The following ARRB2 variants were observed in gnomAD, a reference collection of about 807,000 sequenced individuals.
ARRB2 encodes the protein arrestin beta 2.
In ARRB2, 21 loss-of-function variants were observed where a neutral mutation model predicts 53.4. The ratio of observed to expected loss-of-function variants is 0.39; its 90% CI spans 0.28 to 0.57. ARRB2 has a LOEUF of 0.57. Ranked by LOEUF, ARRB2 falls within the 20% of genes least tolerant of loss-of-function variation. ARRB2 has a pLI of 0.55. For synonymous variants in ARRB2, 180 were observed against 212.9 expected (o/e 0.85, Z 1.34); for missense variants, 369 against 527.5 (o/e 0.70, Z 2.94).
At position 4,717,442 on chromosome 17, in the gene ARRB2, C is replaced by T. The variant is rs1315256645; in HGVS notation, c.417+166C>T. The T allele has an allele frequency of 1.6e-5, 15 of 923,092 alleles. No individual in the cohort carries two copies. Among genetic ancestry groups the T allele is most frequent in the Non-Finnish European group, 2.5e-5 (15 of 590,020 alleles). The allele number at this position is 923,092 out of a possible 1,614,324, so 57.2% of individuals were successfully genotyped here. Reference sequence around the variant, plus strand: ...GCGTATGTGGTGGTCATTGTGCACGCATGACACTGCCTCCTGCTCTGTGGA... The same window carrying T: ...GCGTATGTGGTGGTCATTGTGCACGTATGACACTGCCTCCTGCTCTGTGGA... On this transcript the variant is annotated intron_variant, in intron 6 of 14. Coordinates refer to ENST00000269260, the MANE Select transcript of ARRB2 (RefSeq NM_004313.4). This position sits in a 1 kb window ranked among gnomAD's most constrained non-coding sequence, Gnocchi z 6.0.
chr17:4,719,449 G>T, intron 11 of ARRB2, 29 bp downstream of exon 11: 1 of 1,610,328 alleles, frequency 6.2e-7, no homozygotes, highest in Non-Finnish European at 8.5e-7. Flanking sequence ...CGGGTCCCCT[G>T]CAGGCCAGGG....
intron 2 of ARRB2, 39 bp downstream of exon 2, chr17:4,715,082 G>T (rs1914807659): frequency 6.3e-7 from 1 of 1,594,980 alleles, no homozygotes; most frequent in East Asian, 2.3e-5. Flanking sequence ...ACCCTCCCTG[G>T]GCCCCAACAA....
Position 4,717,645 on chromosome 17 carries a change from G to A in ARRB2, c.418-40G>A. ...GAAGAAAGGGCAGTGATGGTGGCGGGAGCCTCCGGTAAGATGTGGCCTTTT... is the reference window on the plus strand; with the variant it reads ...GAAGAAAGGGCAGTGATGGTGGCGGAAGCCTCCGGTAAGATGTGGCCTTTT... On this transcript the variant is annotated intron_variant, in intron 6 of 14. Coordinates refer to ENST00000269260, the MANE Select transcript of ARRB2 (RefSeq NM_004313.4). This position sits in a 1 kb window ranked among gnomAD's most constrained non-coding sequence, Gnocchi z 6.0. The A allele has an allele frequency of 6.2e-7, 1 of 1,613,196 alleles. No individual in the cohort carries two copies. Among genetic ancestry groups the A allele is most frequent in the Non-Finnish European group, 8.5e-7 (1 of 1,179,454 alleles).
rs556515952 is a variant in ARRB2, at chr17:4,721,071, G to T, written c.*32G>T. 6.3e-7 allele frequency: 1 copy of T among 1,586,554 alleles called. No individual in the cohort carries two copies. The highest frequency in any genetic ancestry group is 8.7e-7 in the Non-Finnish European group (1 of 1,155,436). ...GGGTGGGAAGAAGGGAGGGGATGGG[G>T]TTGGGAGAGGTGAGGGCAGGATTAA... On this transcript the variant is annotated 3_prime_UTR_variant, in exon 15 of 15. Transcript: ENST00000269260. This position sits in a 1 kb window ranked among gnomAD's most constrained non-coding sequence, Gnocchi z 4.2.
At chr17:4,720,133 C>A in intron 11 of ARRB2, 83 bp from the exon 12 acceptor site, 1 of 1,437,310 alleles carries the variant, frequency 7.0e-7, no homozygotes, top group Non-Finnish European at 9.6e-7. Context: ...TGTGGTCCTG[C>A]CCAGAGTCCC....
Position 4,719,302 on chromosome 17 carries a change from T to C in ARRB2, c.799T>C (p.Ser267Pro), listed in dbSNP as rs1415826839. Residue 267 changes from serine (S) to proline (P), a missense_variant, in exon 11 of 15, where the codon TCC (serine) becomes CCC (proline). Transcript: ENST00000269260. ...LEQDDQVSPS[S>P]TFCKVYTITP... Reference sequence around the variant, plus strand: ...CCCCAGTGACCAGGTATCTCCCAGCTCCACATTCTGTAAGGTGTACACCAT... The same window carrying C: ...CCCCAGTGACCAGGTATCTCCCAGCCCCACATTCTGTAAGGTGTACACCAT... 6.2e-7 allele frequency: 1 copy of C among 1,613,484 alleles called. No homozygotes were observed. The highest frequency in any genetic ancestry group is 8.5e-7 in the Non-Finnish European group (1 of 1,179,608).
chr17:4,712,063 C>T (rs997605791), intron 1 of ARRB2, among the ~76,000 whole-genome samples: 4 of 152,182 alleles, frequency 2.6e-5, no homozygotes, highest in Non-Finnish European at 5.9e-5. Flanking sequence ...GGCAATTGCC[C>T]CAGAACCACA....
In ARRB2 at chr17:4,717,086, A is replaced by C; in HGVS notation, c.358-131A>C. 1 of 1,064,548 alleles carries C rather than the reference A, an allele frequency of 9.4e-7. No individual in the cohort carries two copies. Among genetic ancestry groups the C allele is most frequent in the Non-Finnish European group, 1.4e-6 (1 of 695,384 alleles). The allele number at this position is 1,064,548 out of a possible 1,614,324, so 65.9% of individuals were successfully genotyped here. ...TGACCTCAGGTGATCCGCCCACCTT[A>C]GCCTTCCAAAGTGTTGGGATTACAG... On this transcript the variant is annotated intron_variant, in intron 5 of 14. Transcript: ENST00000269260. The surrounding 1 kb of genome is among the most constrained non-coding windows in gnomAD (Gnocchi z 6.0).
intron 11 of ARRB2, among the ~76,000 whole-genome samples, chr17:4,719,859 G>A (rs1044671167): frequency 1.3e-5 from 2 of 152,146 alleles, no homozygotes; most frequent in Non-Finnish European, 2.9e-5. Context: ...CACCTCTCCG[G>A]ATGCCTTTGT....
Position 4,720,273 on chromosome 17 carries a change from G to A in ARRB2, c.975G>A (p.Lys325=), listed in dbSNP as rs1235050241. The A allele has an allele frequency of 1.2e-6, 2 of 1,613,904 alleles. No individual in the cohort carries two copies. Among genetic ancestry groups the A allele is most frequent in the African/African-American group, 1.3e-5 (1 of 74,870 alleles). Reference sequence around the variant, plus strand: ...GAATCCTGGTGTCCTACAGGGTCAAGGTGAAGCTGGTGGTGTCTCGAGGCG... The same window carrying A: ...GAATCCTGGTGTCCTACAGGGTCAAAGTGAAGCTGGTGGTGTCTCGAGGCG... ...VLGILVSYRV[K]VKLVVSRGGD... Residue 325 remains lysine (K), a synonymous_variant, in exon 12 of 15, where the codon AAG becomes AAA. Coordinates refer to ENST00000269260, the MANE Select transcript of ARRB2 (RefSeq NM_004313.4).
rs1915042136 is a variant in ARRB2 at position 4,716,494 on chromosome 17, C to T, written c.243C>T (p.Phe81=). 1.2e-6 allele frequency: 2 copies of T among 1,614,022 alleles called. No homozygotes were observed. The highest frequency in any genetic ancestry group is 1.3e-5 in the African/African-American group (1 of 74,934). The change falls in exon 5 of 15, where the codon TTC becomes TTT. Residue 81 remains phenylalanine (F), a synonymous_variant. Coordinates refer to ENST00000269260, the MANE Select transcript of ARRB2 (RefSeq NM_004313.4). ...GCTTGTCCTTCCGCAAAGACCTGTTCATCGCCACCTACCAGGCCTTCCCCC... is the reference window on the plus strand; with the variant it reads ...GCTTGTCCTTCCGCAAAGACCTGTTTATCGCCACCTACCAGGCCTTCCCCC... The part of the protein sequence containing the change: ...VLGLSFRKDL[F]IATYQAFPPV...
chr17:4,721,079 A>G lies in ARRB2; in HGVS notation c.*40A>G, dbSNP rs1915651329. 1 of 1,579,886 alleles carries G rather than the reference A, an allele frequency of 6.3e-7. No homozygotes were observed. Among genetic ancestry groups the G allele is most frequent in the African/African-American group, 1.3e-5 (1 of 74,094 alleles). ...AGAAGGGAGGGGATGGGGTTGGGAG[A>G]GGTGAGGGCAGGATTAAGATCCCCA... On this transcript the variant is annotated 3_prime_UTR_variant, in exon 15 of 15. Coordinates refer to ENST00000269260, the MANE Select transcript of ARRB2 (RefSeq NM_004313.4). This position sits in a 1 kb window ranked among gnomAD's most constrained non-coding sequence, Gnocchi z 4.2.
At chr17:4,711,071 G>A (rs900540629) in intron 1 of ARRB2, among the ~76,000 whole-genome samples, 2 of 152,040 alleles carry the variant, frequency 1.3e-5, no homozygotes, top group African/African-American at 4.8e-5. Flanking sequence ...CTGGCCCCGA[G>A]GGGTCGTGTA....
intron 5 of ARRB2, 143 bp downstream of exon 5, chr17:4,716,751 C>G: frequency 7.1e-7 from 1 of 1,408,728 alleles, no homozygotes; most frequent in Non-Finnish European, 9.3e-7. Context: ...GGTCCCAGTG[C>G]ATTCAGGAAG....
In ARRB2 at chr17:4,710,736, C is replaced by G. The variant is rs1015285287; in HGVS notation, c.15C>G (p.Pro5=). The G allele has an allele frequency of 2.7e-6, 1 of 368,794 alleles. No individual in the cohort carries two copies. The highest frequency in any genetic ancestry group is 4.8e-6 in the Non-Finnish European group (1 of 209,264). 22.8% of individuals were successfully genotyped at this position (368,794 alleles called of 1,614,324 possible). The part of the protein sequence containing the change: MGEK[P]GTRVFKKSSP... ...GCGCGCGCACCATGGGGGAGAAACCCGGGACCAGGTAAGGGAGGTGGGGCC... is the reference window on the plus strand; with the variant it reads ...GCGCGCGCACCATGGGGGAGAAACCGGGGACCAGGTAAGGGAGGTGGGGCC... The change falls in exon 1 of 15, where the codon CCC becomes CCG. Residue 5 remains proline, a synonymous_variant. Transcript: ENST00000269260.
Position 4,716,595 on chromosome 17 carries a change from C to T in ARRB2, c.344C>T (p.Pro115Leu), listed in dbSNP as rs1206657691. The change falls in exon 5 of 15, where the codon CCC becomes CTC. Residue 115 changes from proline to leucine, a missense_variant. Physicochemically the swap from Pro to Leu is moderately conservative, Grantham distance 98. Coordinates refer to ENST00000269260, the MANE Select transcript of ARRB2 (RefSeq NM_004313.4). Reference sequence around the variant, plus strand: ...AGGAAGCTGGGCCAGCATGCCCACCCCTTCTTCTTCACCGTGAGGATGCCC... The same window carrying T: ...AGGAAGCTGGGCCAGCATGCCCACCTCTTCTTCTTCACCGTGAGGATGCCC... ...LLRKLGQHAH[P>L]FFFTIPQNLP... 1.3e-6 allele frequency: 2 copies of T among 1,572,256 alleles called. No homozygotes were observed. Among genetic ancestry groups the T allele is most frequent in the Non-Finnish European group, 1.7e-6 (2 of 1,160,368 alleles).
At chr17:4,715,861 C>A in intron 2 of ARRB2, 112 bp from the exon 3 acceptor site, 9 of 1,252,124 alleles carry the variant, frequency 7.2e-6, no homozygotes, top group Non-Finnish European at 1.0e-5. Flanking sequence ...TGGAACAACT[C>A]CTTCCTGATA....
rs1915583008 is a variant in ARRB2, at chr17:4,720,466, C to T, written c.1075C>T (p.Gln359Ter). 6.2e-7 allele frequency: 1 copy of T among 1,612,532 alleles called. No individual in the cohort carries two copies. Among genetic ancestry groups the T allele is most frequent in the African/African-American group, 1.3e-5 (1 of 74,804 alleles). ...CGACCACATCCCCCTCCCCAGACCC[C>T]AGTCAGGTGAGCACACTACCCACCC... Reference protein sequence around the residue: ...PHDHIPLPRPQSAAPETDVPV... With the variant: ...PHDHIPLPRP The change falls in exon 13 of 15, where the codon CAG (glutamine) becomes TAG (stop). Residue 359 changes from glutamine (Q) to a stop codon, truncating the protein, a stop_gained. Coordinates refer to ENST00000269260, the MANE Select transcript of ARRB2 (RefSeq NM_004313.4). LOFTEE classifies it high-confidence loss of function.
At position 4,718,104 on chromosome 17, in the gene ARRB2, A is replaced by G. The variant is rs1226553276; in HGVS notation, c.621+81A>G. 18 of 1,592,424 alleles carry G rather than the reference A, an allele frequency of 1.1e-5. No individual in the cohort carries two copies. The South Asian group carries it at 1.9e-4, about 17-fold the overall frequency. ...GGGCGAAGCCACACATCAAGAGGAC[A>G]TTTGTAAAGGAGGTTGCCTTGGCTG... On this transcript the variant is annotated intron_variant, in intron 8 of 14. Transcript: ENST00000269260.
Sources: gnomAD v4.1 joint callset for allele counts (sites outside exome capture counted in the v4.1 genomes callset) on GRCh38, gnomAD v4.1.1 for gene constraint, Gnocchi (gnomAD v3.1) non-coding constraint, MANE v1.5 for transcripts, NCBI Gene and HGNC (gene_info 2026-07-23, HGNC 2026-07-21) for gene names.